The following SH3GL1 variants were observed in gnomAD, a reference collection of about 807,000 sequenced individuals.
SH3GL1 encodes endophilin-A2.
In SH3GL1, 21 loss-of-function variants were observed where a neutral mutation model predicts 48.8. The observed-to-expected ratio is 0.43, with a 90% CI of 0.30 to 0.62. SH3GL1 has a LOEUF of 0.62. Among genes scored for constraint, SH3GL1 ranks in the 20% least tolerant of loss-of-function variants. The pLI is 0.11. For missense variants in SH3GL1, 454 were observed against 503.0 expected (o/e 0.90, Z 0.93); for synonymous variants, 282 against 217.5 (o/e 1.30, Z -2.61).
chr19:4,361,822 C>T, intron 9 of SH3GL1, 26 bp from the exon 10 acceptor site: 3 of 1,537,224 alleles, frequency 2.0e-6, no homozygotes, highest in South Asian at 2.2e-5. Flanking sequence ...GGCTGTGGGG[C>T]TGGGGCTGCT....
At chr19:4,372,770 G>A (rs1022299172) in intron 1 of SH3GL1, among the ~76,000 whole-genome samples, 3 of 152,202 alleles carry the variant, frequency 2.0e-5, no homozygotes, top group South Asian at 2.1e-4. Flanking sequence ...GCTGCCCAGC[G>A]ACACAGGAAG....
chr19:4,386,749 C>G (rs1217658508), intron 1 of SH3GL1, among the ~76,000 whole-genome samples: 2 of 152,012 alleles, frequency 1.3e-5, no homozygotes, highest in African/African-American at 4.8e-5. Flanking sequence ...TTCCTGAGCC[C>G]AAATCCCAGT....
intron 3 of SH3GL1, 32 bp downstream of exon 3, chr19:4,366,467 TGG>T: frequency 1.3e-6 from 2 of 1,561,286 alleles, no homozygotes; most frequent in East Asian, 2.2e-5. Context: ...CCAGAGGGCC[TGG>T]GGCAGGCCCT....
At chr19:4,380,220 A>C (rs1021593996) in intron 1 of SH3GL1, 1 of 152,440 alleles carries the variant, frequency 6.6e-6, no homozygotes, top group Non-Finnish European at 1.5e-5. Context: ...CCATTCTTCA[A>C]AGCCACGGTC....
intron 1 of SH3GL1, among the ~76,000 whole-genome samples, chr19:4,372,001 C>G (rs1972912128): frequency 6.6e-6 from 1 of 152,140 alleles, no homozygotes; most frequent in Non-Finnish European, 1.5e-5. Context: ...TTTAAAGAGG[C>G]AGGGGTCTCA....
At chr19:4,370,575 C>T (rs1283486231) in intron 1 of SH3GL1, among the ~76,000 whole-genome samples, 1 of 152,206 alleles carries the variant, frequency 6.6e-6, no homozygotes, top group African/African-American at 2.4e-5. Context: ...AGCTGCAAAC[C>T]CCGAGTGACC....
intron 4 of SH3GL1, chr19:4,364,706 G>C (rs149976629): frequency 0.02 from 3,228 of 158,090 alleles, 34 homozygotes; most frequent in Middle Eastern, 0.026. Context: ...TGGGATTACA[G>C]GCGTGAGCCA....
At chr19:4,363,644 C>G (rs1216342856) in intron 6 of SH3GL1, 76 bp downstream of exon 6, 1 of 1,584,186 alleles carries the variant, frequency 6.3e-7, no homozygotes, top group East Asian at 2.2e-5. Flanking sequence ...GATCTGTCCT[C>G]CAGCTCCCTT....
Position 4,400,205 on chromosome 19 carries a change from C to A in SH3GL1, c.45+119G>T. On this transcript the variant is annotated intron_variant, in intron 1 of 9. Coordinates refer to ENST00000269886, the MANE Select transcript of SH3GL1 (RefSeq NM_003025.4). This position sits in a 1 kb window ranked among gnomAD's most constrained non-coding sequence, Gnocchi z 4.1. ...CTTGGTCTTCCCACCTGGCAGGGGA[C>A]ACGCGCCAACGTCCCCACCTCGGTC... 1 of 1,114,150 alleles carries A rather than the reference C, an allele frequency of 9.0e-7. No individual in the cohort carries two copies. Among genetic ancestry groups the A allele is most frequent in the Non-Finnish European group, 1.3e-6 (1 of 799,200 alleles). 69.0% of individuals were successfully genotyped at this position (1,114,150 alleles called of 1,614,324 possible). A position where few individuals can be genotyped will look rare whatever the true frequency, so the allele number is the denominator to read the frequency against.
At chr19:4,366,635 C>T (rs1263837697) in intron 2 of SH3GL1, 62 bp from the exon 3 acceptor site, 1 of 1,456,112 alleles carries the variant, frequency 6.9e-7, no homozygotes, top group Non-Finnish European at 9.5e-7. Flanking sequence ...ACACAAGACC[C>T]CCGCTGCTGC....
In SH3GL1 at chr19:4,378,726, T is replaced by TA. The variant is rs572809730; in HGVS notation, c.46-11733dup. ...GTAAAACTCTCTCAAAAAATAAAAA[T>TA]AAAAAAAACAGAAACCATACACCAC... On this transcript the variant is annotated intron_variant, in intron 1 of 9. Transcript: ENST00000269886. 5.2e-4 allele frequency among the ~76,000 whole-genome samples: 78 copies of TA among 151,406 alleles called. 3 individuals are homozygous for TA. In the South Asian group the frequency reaches 0.01, roughly 20 times the overall value.
At position 4,360,637 on chromosome 19, in the gene SH3GL1, C is replaced by T. The variant is rs995915724; in HGVS notation, c.*963G>A. ...ATAGAGGAAGCAGATGTCGGGGCTG[C>T]CTGCCTTGGTCTAGAGGAGATGGCT... On this transcript the variant is annotated 3_prime_UTR_variant, in exon 10 of 10. Transcript: ENST00000269886. 1.5e-4 allele frequency: 35 copies of T among 233,176 alleles called. No homozygotes were observed. The Admixed American group carries it at 1.5e-3, about 10-fold the overall frequency. 14.4% of individuals were successfully genotyped at this position (233,176 alleles called of 1,614,324 possible). A position where few individuals can be genotyped will look rare whatever the true frequency, so the allele number is the denominator to read the frequency against.
At chr19:4,375,129 C>G (rs970574295) in intron 1 of SH3GL1, among the ~76,000 whole-genome samples, 22 of 152,188 alleles carry the variant, frequency 1.4e-4, no homozygotes, top group African/African-American at 5.3e-4. Context: ...GGGGTGCCCT[C>G]TGCTGTGGAA....
At chr19:4,364,305 A>G (rs1232869953) in intron 4 of SH3GL1, 84 bp from the exon 5 acceptor site, 2 of 1,551,846 alleles carry the variant, frequency 1.3e-6, no homozygotes, top group Non-Finnish European at 8.9e-7. Context: ...TTTTTGAAAT[A>G]GCGTTTCACA....
At chr19:4,392,570 A>ACAC (rs1491329287) in intron 1 of SH3GL1, among the ~76,000 whole-genome samples, 5 of 140,378 alleles carry the variant, frequency 3.6e-5, no homozygotes, top group African/African-American at 5.4e-5. Context: ...ACACACACAC[A>ACAC]AAAGATCATT....
At chr19:4,397,430 G>A (rs567699161) in intron 1 of SH3GL1, among the ~76,000 whole-genome samples, 5 of 152,350 alleles carry the variant, frequency 3.3e-5, no homozygotes, top group South Asian at 4.1e-4. Flanking sequence ...ACAAAGTCCT[G>A]GTGGCCGGCA....
chr19:4,375,264 G>T (rs1972984700), intron 1 of SH3GL1, among the ~76,000 whole-genome samples: 1 of 152,178 alleles, frequency 6.6e-6, no homozygotes, highest in Admixed American at 6.5e-5. Flanking sequence ...CCTCTGGGCA[G>T]ATGTCTCCAC....
intron 1 of SH3GL1, among the ~76,000 whole-genome samples, chr19:4,377,285 C>T (rs1187831475): frequency 6.6e-6 from 1 of 152,206 alleles, no homozygotes; most frequent in Non-Finnish European, 1.5e-5. Context: ...GCACTGGAGG[C>T]CAAACAGAAA....
rs560978814 is a variant in SH3GL1, at chr19:4,389,755, A to G, written c.45+10569T>C. 6.6e-6 allele frequency among the ~76,000 whole-genome samples: 1 copy of G among 152,254 alleles called. No homozygotes were observed. Among genetic ancestry groups the G allele is most frequent in the Admixed American group, 6.5e-5 (1 of 15,296 alleles). On this transcript the variant is annotated intron_variant, in intron 1 of 9. Coordinates refer to ENST00000269886, the MANE Select transcript of SH3GL1 (RefSeq NM_003025.4). This position sits in a 1 kb window ranked among gnomAD's most constrained non-coding sequence, Gnocchi z 4.5. Reference sequence around the variant, plus strand: ...GGGCAGGCCAGCCAGTAAACCAAACACTGGGGATGCAGCAATGAGCACAAA... The same window carrying G: ...GGGCAGGCCAGCCAGTAAACCAAACGCTGGGGATGCAGCAATGAGCACAAA...
Sources: gnomAD v4.1 joint callset for allele counts (sites outside exome capture counted in the v4.1 genomes callset) on GRCh38, gnomAD v4.1.1 for gene constraint, Gnocchi (gnomAD v3.1) non-coding constraint, MANE v1.5 for transcripts, NCBI Gene and HGNC (gene_info 2026-07-23, HGNC 2026-07-21) for gene names.